The following MGAT4C variants were observed in gnomAD, a reference collection of about 807,000 sequenced individuals.
MGAT4C encodes the protein MGAT4 family member C.
Under a neutral mutation model 40.1 loss-of-function variants are expected in MGAT4C, and 19 were observed. That is an observed-to-expected ratio of 0.47 (90% CI 0.33 to 0.70). MGAT4C has a LOEUF of 0.70. Ranked by LOEUF, MGAT4C falls within the 30% of genes least tolerant of loss-of-function variation. The pLI, the probability that MGAT4C is intolerant of heterozygous loss-of-function variation, is 0.02. For missense variants in MGAT4C, 491 were observed against 563.2 expected (o/e 0.87, Z 1.30); for synonymous variants, 181 against 187.1 (o/e 0.97, Z 0.27).
intron 1 of MGAT4C, among the ~76,000 whole-genome samples, chr12:86,056,396 C>G (rs113812035): frequency 6.6e-5 from 10 of 152,084 alleles, no homozygotes; most frequent in South Asian, 2.1e-4. Flanking sequence ...TCCTCCACCC[C>G]CTTAAGGCCC....
At chr12:86,769,967 C>G (rs1422784287) in intron 1 of MGAT4C, among the ~76,000 whole-genome samples, 3 of 151,920 alleles carry the variant, frequency 2.0e-5, no homozygotes, top group Admixed American at 6.6e-5. Flanking sequence ...ACATATGTAA[C>G]TAACCTGCAT....
intron 1 of MGAT4C, among the ~76,000 whole-genome samples, chr12:86,242,840 T>C (rs934225593): frequency 3.3e-5 from 5 of 152,042 alleles, no homozygotes; most frequent in Non-Finnish European, 7.4e-5. Context: ...CAGCTCCCTA[T>C]GGGCTCTAAT....
rs777513057 is a variant in MGAT4C at position 86,373,704 on chromosome 12, A to G, written c.-119-39577T>C. ...GTTCTTTGTTACTACTGCATTAACAAACCATAGCAGAGCAGATATGAATAG... is the reference window on the plus strand; with the variant it reads ...GTTCTTTGTTACTACTGCATTAACAGACCATAGCAGAGCAGATATGAATAG... On this transcript the variant is annotated intron_variant, in intron 3 of 7. Coordinates refer to the MGAT4C transcript ENST00000548651. Among the ~76,000 whole-genome samples, 165 of 151,876 alleles carry G rather than the reference A, an allele frequency of 1.1e-3. 1 individual carries two copies. The highest frequency in any genetic ancestry group is 1.4e-3 in the Non-Finnish European group (95 of 67,856).
intron 1 of MGAT4C, among the ~76,000 whole-genome samples, chr12:86,121,090 G>A (rs781703780): frequency 1.4e-4 from 21 of 152,132 alleles, no homozygotes; most frequent in African/African-American, 4.8e-4. Flanking sequence ...AGAGAACTAC[G>A]TGACGCATGC....
intron 2 of MGAT4C, among the ~76,000 whole-genome samples, chr12:86,648,099 G>A (rs1436774153): frequency 6.6e-6 from 1 of 151,828 alleles, no homozygotes; most frequent in Non-Finnish European, 1.5e-5. Context: ...TTCAGGCTCT[G>A]TTGAACACAA....
At chr12:86,750,004 T>TTGG (rs201828532) in intron 1 of MGAT4C, among the ~76,000 whole-genome samples, 4,953 of 151,894 alleles carry the variant, frequency 0.033, 270 homozygotes, top group African/African-American at 0.11. Flanking sequence ...GGAATCAATG[T>TTGG]ATTTGTTGGA....
intron 2 of MGAT4C, among the ~76,000 whole-genome samples, chr12:86,039,904 C>A (rs917874489): frequency 6.6e-5 from 10 of 152,216 alleles, no homozygotes; most frequent in Middle Eastern, 3.4e-3. Context: ...AATTTGGGTT[C>A]TCTGAGTGGA....
chr12:86,131,302 AT>A (rs1247093565), intron 1 of MGAT4C, among the ~76,000 whole-genome samples: 1 of 152,090 alleles, frequency 6.6e-6, no homozygotes, highest in Non-Finnish European at 1.5e-5. Flanking sequence ...ATAAATACTA[AT>A]TCATTTCTGA....
intron 1 of MGAT4C, among the ~76,000 whole-genome samples, chr12:86,766,254 A>G (rs1408434897): frequency 6.6e-6 from 1 of 152,048 alleles, no homozygotes; most frequent in African/African-American, 2.4e-5. Context: ...ACCAACAAAG[A>G]TCAAAAGAGA....
chr12:86,560,557 A>C (rs1189260108), intron 2 of MGAT4C, among the ~76,000 whole-genome samples: 1 of 152,170 alleles, frequency 6.6e-6, no homozygotes, highest in Non-Finnish European at 1.5e-5. Flanking sequence ...ATCTCAATAG[A>C]TGTAGACAAA....
At chr12:86,400,146 A>G (rs910531885) in intron 3 of MGAT4C, among the ~76,000 whole-genome samples, 2 of 152,302 alleles carry the variant, frequency 1.3e-5, no homozygotes, top group Non-Finnish European at 2.9e-5. Flanking sequence ...CATGCTTAGT[A>G]GGTGAGGGCG....
At chr12:86,246,985 T>C (rs2136063033) in intron 1 of MGAT4C, among the ~76,000 whole-genome samples, 1 of 152,346 alleles carries the variant, frequency 6.6e-6, no homozygotes, top group South Asian at 2.1e-4. Flanking sequence ...TTTAGTAGCA[T>C]CAGTTATACC....
chr12:86,695,887 A>G (rs1202879166), intron 2 of MGAT4C, among the ~76,000 whole-genome samples: 4 of 152,126 alleles, frequency 2.6e-5, no homozygotes, highest in East Asian at 1.9e-4. Context: ...ACTATCATCA[A>G]TAAGAATTTA....
chr12:86,308,340 T>A (rs1202478817), intron 4 of MGAT4C, among the ~76,000 whole-genome samples: 5 of 150,674 alleles, frequency 3.3e-5, no homozygotes, highest in Non-Finnish European at 7.4e-5. Context: ...ACAGCAACAC[T>A]ATTCCTGCTG....
At chr12:86,085,421 T>A (rs572763326) in intron 1 of MGAT4C, among the ~76,000 whole-genome samples, 2 of 152,296 alleles carry the variant, frequency 1.3e-5, no homozygotes, top group Non-Finnish European at 2.9e-5. Context: ...TTTCTGCATA[T>A]GGCAAGCCAG....
At chr12:86,353,229 T>C (rs984007377) in intron 3 of MGAT4C, among the ~76,000 whole-genome samples, 3 of 152,026 alleles carry the variant, frequency 2.0e-5, no homozygotes, top group Non-Finnish European at 4.4e-5. Flanking sequence ...GTAGGACTTT[T>C]TAAAATGTAT....
chr12:86,154,628 G>T (rs567554553), intron 1 of MGAT4C, among the ~76,000 whole-genome samples: 2 of 152,234 alleles, frequency 1.3e-5, no homozygotes, highest in South Asian at 4.1e-4. Context: ...CAACGGAAAT[G>T]GACCTATTGG....
intron 2 of MGAT4C, among the ~76,000 whole-genome samples, chr12:86,675,182 A>G (rs1964362244): frequency 6.6e-6 from 1 of 152,198 alleles, no homozygotes; most frequent in Non-Finnish European, 1.5e-5. Context: ...CCCCAGTAAA[A>G]GGGAATGCAC....
chr12:86,500,095 A>AAATTGCTG (rs1958312188), intron 2 of MGAT4C, among the ~76,000 whole-genome samples: 1 of 151,918 alleles, frequency 6.6e-6, no homozygotes, highest in Non-Finnish European at 1.5e-5. Context: ...AATGAAAAAA[A>AAATTGCTG]AATTGCTGAA....
Sources: gnomAD v4.1 joint callset for allele counts (sites outside exome capture counted in the v4.1 genomes callset) on GRCh38, gnomAD v4.1.1 for gene constraint, MANE v1.5 for transcripts, NCBI Gene and HGNC (gene_info 2026-07-23, HGNC 2026-07-21) for gene names.